Variants in FHIT observed in about 807,000 individuals in gnomAD.
The protein encoded by FHIT is fragile histidine triad diadenosine triphosphatase.
A neutral mutation model predicts 17.9 loss-of-function variants in FHIT; 19 were observed. The ratio of observed to expected loss-of-function variants is 1.06; its 90% CI spans 0.74 to 1.56. FHIT has a LOEUF of 1.56. FHIT is among the 40% of genes most tolerant of loss of function. FHIT has a pLI of 0.00. For missense variants in FHIT, 248 were observed against 189.2 expected, an observed-to-expected ratio of 1.31 and a Z score of -1.82; for synonymous variants, 81 against 69.7, an observed-to-expected ratio of 1.16 and a Z score of -0.81.
chr3:59,863,219 A>C (rs1422735240), intron 8 of FHIT, among the ~76,000 whole-genome samples: 2 of 152,168 alleles, frequency 1.3e-5, no homozygotes, highest in African/African-American at 4.8e-5. Flanking sequence ...TCTACGATAA[A>C]GTCTTAATGA....
intron 5 of FHIT, among the ~76,000 whole-genome samples, chr3:60,169,894 A>C (rs1440495658): frequency 6.6e-6 from 1 of 152,164 alleles, no homozygotes; most frequent in African/African-American, 2.4e-5. Flanking sequence ...CTACAGCACT[A>C]ATCTGTAAAC....
intron 3 of FHIT, among the ~76,000 whole-genome samples, chr3:60,955,386 G>A (rs570918745): frequency 6.6e-6 from 1 of 151,962 alleles, no homozygotes; most frequent in Admixed American, 6.6e-5. Flanking sequence ...CCTTAGTTCT[G>A]GGGTGAATAG....
chr3:59,960,801 G>T (rs1206691036), intron 7 of FHIT, among the ~76,000 whole-genome samples: 1 of 151,900 alleles, frequency 6.6e-6, no homozygotes, highest in African/African-American at 2.4e-5. Context: ...AAAGTATTTT[G>T]CATATCTGTT....
At chr3:59,803,067 C>G (rs1575520895) in intron 8 of FHIT, among the ~76,000 whole-genome samples, 1 of 152,140 alleles carries the variant, frequency 6.6e-6, no homozygotes, top group East Asian at 1.9e-4. Flanking sequence ...GCATACATAC[C>G]AGGCACGGGA....
rs189708676 is a variant in FHIT at position 59,971,280 on chromosome 3, T to A, written c.279+40091A>T. Among the ~76,000 whole-genome samples the A allele has an allele frequency of 4.6e-5, 7 of 152,248 alleles. No homozygotes were observed. The East Asian group carries it at 1.4e-3, about 29-fold the overall frequency. On this transcript the variant is annotated intron_variant, in intron 7 of 9. Coordinates refer to ENST00000492590, the MANE Select transcript of FHIT (RefSeq NM_002012.4). ...TACGAAATCTTTGATTAGCAGGTGC[T>A]TTGATAGCTGCAAGAATATTTTTTC...
chr3:60,580,419 T>C (rs1412008848), intron 4 of FHIT, among the ~76,000 whole-genome samples: 2 of 152,250 alleles, frequency 1.3e-5, no homozygotes, highest in Admixed American at 6.6e-5. Flanking sequence ...AATACCTAAA[T>C]TATGATGATA....
chr3:59,949,539 T>C (rs1707006774), intron 7 of FHIT, among the ~76,000 whole-genome samples: 1 of 152,216 alleles, frequency 6.6e-6, no homozygotes, highest in Non-Finnish European at 1.5e-5. Flanking sequence ...TAGATATGTA[T>C]CCTAAGCATT....
At position 60,587,185 on chromosome 3, in the gene FHIT, G is replaced by A. The variant is rs146748805; in HGVS notation, c.-17-50206C>T. 1.4e-3 allele frequency among the ~76,000 whole-genome samples: 212 copies of A among 152,110 alleles called. 1 individual carries two copies. Among genetic ancestry groups the A allele is most frequent in the African/African-American group, 4.9e-3 (204 of 41,520 alleles). Reference sequence around the variant, plus strand: ...TACTATGCAGCCAAAAAAGGAATGAGATAATGTCATTTGCAGGGACGTGGA... The same window carrying A: ...TACTATGCAGCCAAAAAAGGAATGAAATAATGTCATTTGCAGGGACGTGGA... On this transcript the variant is annotated intron_variant, in intron 4 of 9. Transcript: ENST00000492590.
chr3:60,172,021 A>G (rs375009172), intron 5 of FHIT, among the ~76,000 whole-genome samples: 10 of 152,170 alleles, frequency 6.6e-5, no homozygotes, highest in Admixed American at 5.9e-4. Flanking sequence ...GAACATAATC[A>G]TGAACAAAAA....
intron 3 of FHIT, among the ~76,000 whole-genome samples, chr3:60,883,351 A>G (rs1195506248): frequency 6.6e-6 from 1 of 152,188 alleles, no homozygotes; most frequent in Non-Finnish European, 1.5e-5. Context: ...CATTCTTCAC[A>G]GGATTAGAAA....
At chr3:60,248,446 T>C (rs570284814) in intron 5 of FHIT, among the ~76,000 whole-genome samples, 2 of 152,180 alleles carry the variant, frequency 1.3e-5, no homozygotes, top group East Asian at 3.9e-4. Flanking sequence ...AGACAGCGTG[T>C]TGGAAAATGG....
intron 5 of FHIT, among the ~76,000 whole-genome samples, chr3:60,393,313 T>C (rs571923337): frequency 4.6e-5 from 7 of 151,878 alleles, no homozygotes; most frequent in Non-Finnish European, 1.0e-4. Context: ...AATTCTATTT[T>C]CCACAAACTT....
rs34542104 is a variant in FHIT at position 60,407,067 on chromosome 3, A to ATTTTTT, written c.103+129787_103+129792dup. Among the ~76,000 whole-genome samples the ATTTTTT allele has an allele frequency of 5.9e-4, 37 of 62,900 alleles. 2 individuals are homozygous for ATTTTTT. Among genetic ancestry groups the ATTTTTT allele is most frequent in the African/African-American group, 1.9e-3 (27 of 14,380 alleles). 41.3% of individuals were successfully genotyped at this position (62,900 alleles called of 152,430 possible). A position where few individuals can be genotyped will look rare whatever the true frequency, so the allele number is the denominator to read the frequency against. On this transcript the variant is annotated intron_variant, in intron 5 of 9. Coordinates refer to ENST00000492590, the MANE Select transcript of FHIT (RefSeq NM_002012.4). ...GTGAACTACTCAAAGCCTGCCAATA[A>ATTTTTT]TTTTTTTTTTTTTTTTTTTTTTTTT... is the stretch of plus-strand genomic sequence containing the variant.
intron 5 of FHIT, among the ~76,000 whole-genome samples, chr3:60,267,064 G>C (rs1706612491): frequency 6.6e-6 from 1 of 152,042 alleles, no homozygotes. Context: ...ATAAGGGACA[G>C]AAGAAGAGCG....
chr3:59,951,259 T>C (rs1402342541), intron 7 of FHIT, among the ~76,000 whole-genome samples: 1 of 151,992 alleles, frequency 6.6e-6, no homozygotes. Context: ...CTGGGTTCTG[T>C]GCATGGAAAT....
chr3:60,748,296 A>G (rs1173175718), intron 4 of FHIT, among the ~76,000 whole-genome samples: 4 of 152,164 alleles, frequency 2.6e-5, no homozygotes, highest in African/African-American at 9.7e-5. Flanking sequence ...CTGACAAACC[A>G]CAGATTAACA....
chr3:60,405,013 T>A (rs540545232), intron 5 of FHIT, among the ~76,000 whole-genome samples: 4 of 152,318 alleles, frequency 2.6e-5, no homozygotes, highest in African/African-American at 7.2e-5. Flanking sequence ...AAATTGGTTC[T>A]CAAACTGGTG....
chr3:60,414,478 A>T (rs918595040), intron 5 of FHIT, among the ~76,000 whole-genome samples: 1 of 152,202 alleles, frequency 6.6e-6, no homozygotes, highest in African/African-American at 2.4e-5. Context: ...GAGTCTAATG[A>T]TCAAGACAAC....
At position 60,329,402 on chromosome 3, in the gene FHIT, C is replaced by T. The variant is rs1375158457; in HGVS notation, c.103+207458G>A. ...CTGAACCACTACTAGAGGATTCTAA[C>T]AAGACATTCTTTACCAGTGGACAGA... is the stretch of plus-strand genomic sequence containing the variant. On this transcript the variant is annotated intron_variant, in intron 5 of 9. Transcript: ENST00000492590. Among the ~76,000 whole-genome samples the T allele has an allele frequency of 2.0e-5, 3 of 152,154 alleles. No individual in the cohort carries two copies. In the South Asian group the frequency reaches 6.2e-4, roughly 32 times the overall value.
Sources: gnomAD v4.1 joint callset for allele counts (sites outside exome capture counted in the v4.1 genomes callset) on GRCh38, gnomAD v4.1.1 for gene constraint, MANE v1.5 for transcripts, NCBI Gene and HGNC (gene_info 2026-07-23, HGNC 2026-07-21) for gene names.